Variants in NOTCH3 observed in about 807,000 individuals in gnomAD.
NOTCH3 encodes neurogenic locus notch homolog protein 3.
In NOTCH3, 86 loss-of-function variants were observed where a neutral mutation model predicts 213.3. That is an observed-to-expected ratio of 0.40 (90% CI 0.34 to 0.48). NOTCH3 has a LOEUF of 0.48. NOTCH3 is among the 20% of genes least tolerant of loss of function. NOTCH3 has a pLI of 0.57. For synonymous variants in NOTCH3, 1,354 were observed against 1,355.9 expected (o/e 1.00, Z 0.03); for missense variants, 2,783 against 3,272.6 (o/e 0.85, Z 3.65).
At chr19:15,161,784 GGGGA>G in intron 32 of NOTCH3, 70 bp from the exon 33 acceptor site, 1 of 1,393,950 alleles carries the variant, frequency 7.2e-7, no homozygotes, top group African/African-American at 1.4e-5. Context: ...CAGCCTCTTG[GGGGA>G]GCCCGAGAGC....
At position 15,192,361 on chromosome 19, in the gene NOTCH3, A is replaced by G. The variant is rs1568362143; in HGVS notation, c.340+16T>C. 1 of 1,611,992 alleles carries G rather than the reference A, an allele frequency of 6.2e-7. No individual in the cohort carries two copies. The highest frequency in any genetic ancestry group is 1.7e-5 in the Admixed American group (1 of 59,890). On this transcript the variant is annotated intron_variant, in intron 3 of 32. Coordinates refer to ENST00000263388, the MANE Select transcript of NOTCH3 (RefSeq NM_000435.3). Reference sequence around the variant, plus strand: ...ACACCCCCGACTACCTCCCCTCCAGACTCTTCCCCTCTCACCTCGGAAGCC... The same window carrying G: ...ACACCCCCGACTACCTCCCCTCCAGGCTCTTCCCCTCTCACCTCGGAAGCC...
In NOTCH3 at chr19:15,159,115, A is replaced by C. The variant is rs1373103121; in HGVS notation, c.*1547T>G. ...CCATAGGAGCATGAAGTAAAAGTGA[A>C]ATTCATGCAGAACCATGATCAGATA... On this transcript the variant is annotated 3_prime_UTR_variant, in exon 33 of 33. Coordinates refer to ENST00000263388, the MANE Select transcript of NOTCH3 (RefSeq NM_000435.3). 6.6e-6 allele frequency: 1 copy of C among 152,216 alleles called. No homozygotes were observed. The highest frequency in any genetic ancestry group is 1.5e-5 in the Non-Finnish European group (1 of 68,046). The allele number at this position is 152,216 out of a possible 1,614,324, so 9.4% of individuals were successfully genotyped here. A position where few individuals can be genotyped will look rare whatever the true frequency, so the allele number is the denominator to read the frequency against.
At position 15,160,916 on chromosome 19, in the gene NOTCH3, C is replaced by G. The variant is rs2145380317; in HGVS notation, c.6712G>C (p.Val2238Leu). ...SSPPKARFLR[V>L]PSEHPYLTPS... The stretch of plus-strand genomic sequence containing the variant: ...GTCAGGTAAGGGTGCTCACTGGGAA[C>G]CCGCAGGAAGCGGGCCTTTGGGGGG... Residue 2238 changes from valine (V) to leucine (L), a missense_variant, in exon 33 of 33, where the codon GTT becomes CTT. Physicochemically the swap from Val to Leu is conservative, Grantham distance 32. Coordinates refer to ENST00000263388, the MANE Select transcript of NOTCH3 (RefSeq NM_000435.3). 6.2e-7 allele frequency: 1 copy of G among 1,608,510 alleles called. No individual in the cohort carries two copies. Among genetic ancestry groups the G allele is most frequent in the African/African-American group, 1.3e-5 (1 of 74,958 alleles).
chr19:15,170,072 A>G lies in NOTCH3; in HGVS notation c.5199+14T>C. On this transcript the variant is annotated intron_variant, in intron 28 of 32. Coordinates refer to ENST00000263388, the MANE Select transcript of NOTCH3 (RefSeq NM_000435.3). Reference sequence around the variant, plus strand: ...GGTCAGAGGAGGGGGCAAAGGTCAGAGGGGGGGCAGTACCTTTAGCCGCTT... The same window carrying G: ...GGTCAGAGGAGGGGGCAAAGGTCAGGGGGGGGGCAGTACCTTTAGCCGCTT... 2 of 1,516,244 alleles carry G rather than the reference A, an allele frequency of 1.3e-6. No homozygotes were observed. The highest frequency in any genetic ancestry group is 1.8e-6 in the Non-Finnish European group (2 of 1,106,060). 93.9% of individuals were successfully genotyped at this position (1,516,244 alleles called of 1,614,324 possible).
chr19:15,183,742 C>CG (rs1175527462), intron 16 of NOTCH3, among the ~76,000 whole-genome samples: 1 of 151,964 alleles, frequency 6.6e-6, no homozygotes, highest in African/African-American at 2.4e-5. Context: ...GATATTAACT[C>CG]GATTGCTCTC....
chr19:15,181,868 T>C (rs940029583), intron 16 of NOTCH3, 67 bp from the exon 17 acceptor site: 2 of 1,325,300 alleles, frequency 1.5e-6, no homozygotes, highest in African/African-American at 2.9e-5. Context: ...GACTGGGATA[T>C]GCCTTGGATT....
intron 2 of NOTCH3, among the ~76,000 whole-genome samples, chr19:15,194,143 G>A (rs2046952559): frequency 6.6e-6 from 1 of 152,164 alleles, no homozygotes; most frequent in African/African-American, 2.4e-5. Context: ...CAGCTTCTTG[G>A]GAGGCTGAGG....
At chr19:15,193,195 T>G (rs925297476) in intron 2 of NOTCH3, among the ~76,000 whole-genome samples, 1 of 151,972 alleles carries the variant, frequency 6.6e-6, no homozygotes, top group Non-Finnish European at 1.5e-5. Flanking sequence ...CCAGAACCTG[T>G]GACTAGGACC....
At chr19:15,194,144 G>C (rs1419123289) in intron 2 of NOTCH3, among the ~76,000 whole-genome samples, 1 of 152,164 alleles carries the variant, frequency 6.6e-6, no homozygotes, top group East Asian at 1.9e-4. Context: ...AGCTTCTTGG[G>C]AGGCTGAGGT....
intron 32 of NOTCH3, 98 bp downstream of exon 32, chr19:15,162,367 G>T: frequency 1.1e-6 from 1 of 886,132 alleles, no homozygotes; most frequent in Non-Finnish European, 1.9e-6. Flanking sequence ...GTTTTATTTT[G>T]TTTTGTTTTT....
intron 2 of NOTCH3, among the ~76,000 whole-genome samples, chr19:15,197,213 A>G (rs987818660): frequency 5.9e-5 from 9 of 152,130 alleles, no homozygotes; most frequent in African/African-American, 1.9e-4. Context: ...AAGAACTGTG[A>G]AGCTGGGATT....
chr19:15,177,436 T>C lies in NOTCH3; in HGVS notation c.4403+89A>G, dbSNP rs945173646. ...CAGAGAAACAGACGGGGCAAGTGGA[T>C]GGGCAGGTGGAAAGAGAGGCAGGGC... On this transcript the variant is annotated intron_variant, in intron 24 of 32. Coordinates refer to ENST00000263388, the MANE Select transcript of NOTCH3 (RefSeq NM_000435.3). 30 of 1,208,244 alleles carry C rather than the reference T, an allele frequency of 2.5e-5. No individual in the cohort carries two copies. The Admixed American group carries it at 5.5e-4, about 22-fold the overall frequency. 74.8% of individuals were successfully genotyped at this position (1,208,244 alleles called of 1,614,324 possible).
chr19:15,188,200 A>T (rs2046899432), intron 9 of NOTCH3, 35 bp downstream of exon 9: 1 of 1,492,836 alleles, frequency 6.7e-7, no homozygotes, highest in African/African-American at 1.4e-5. Context: ...CTTCCCAGAC[A>T]TGTCTTTTCG....
Position 15,165,711 on chromosome 19 carries a change from G to A in NOTCH3, c.5667+76C>T. On this transcript the variant is annotated intron_variant, in intron 30 of 32. Transcript: ENST00000263388. This position sits in a 1 kb window ranked among gnomAD's most constrained non-coding sequence, Gnocchi z 4.7. Reference sequence around the variant, plus strand: ...AAATGAGAAAAAATGAGTCTGAAAGGCAGAACTGGGGCTCAAACCCAGGTA... The same window carrying A: ...AAATGAGAAAAAATGAGTCTGAAAGACAGAACTGGGGCTCAAACCCAGGTA... The A allele has an allele frequency of 1.3e-6, 2 of 1,534,910 alleles. No homozygotes were observed. Among genetic ancestry groups the A allele is most frequent in the South Asian group, 2.3e-5 (2 of 88,696 alleles).
chr19:15,168,810 G>A (rs112684888), intron 28 of NOTCH3, among the ~76,000 whole-genome samples: 1 of 151,876 alleles, frequency 6.6e-6, no homozygotes, highest in African/African-American at 2.4e-5. Context: ...CTCCAGCTTG[G>A]GCAACAGAGT....
rs755817475 is a variant in NOTCH3 at position 15,165,478 on chromosome 19, C to A, written c.5705G>T (p.Arg1902Leu). Residue 1902 changes from arginine (R) to leucine (L), a missense_variant, in exon 31 of 33, where the codon CGC becomes CTC. Physicochemically the swap from Arg to Leu is moderately radical, Grantham distance 102. Around this residue, in one of 6 missense-constraint regions of NOTCH3, gnomAD observed 636 missense variants for 801.8 expected, o/e 0.79. Transcript: ENST00000263388. The surrounding 1 kb of genome is among the most constrained non-coding windows in gnomAD (Gnocchi z 4.7). ...CAGTGCCGTTGAGCCATCTGCCATG[C>A]GGGCATCCAAGTCTGTAGAGCGGTT... ...IRNRSTDLDA[R>L]MADGSTALIL... 1 of 1,612,808 alleles carries A rather than the reference C, an allele frequency of 6.2e-7. No homozygotes were observed. Among genetic ancestry groups the A allele is most frequent in the South Asian group, 1.1e-5 (1 of 91,080 alleles).
At chr19:15,184,489 G>C in intron 15 of NOTCH3, 39 bp from the exon 16 acceptor site, 1 of 1,605,788 alleles carries the variant, frequency 6.2e-7, no homozygotes, top group Non-Finnish European at 8.5e-7. Context: ...GGGTTACAGG[G>C]TACAGAGCAG....
At chr19:15,188,607 A>G (rs2046903181) in intron 8 of NOTCH3, among the ~76,000 whole-genome samples, 1 of 151,828 alleles carries the variant, frequency 6.6e-6, no homozygotes, top group African/African-American at 2.4e-5. Context: ...TCCTCAGACT[A>G]AGCCCTTTCC....
rs2145379617 is a variant in NOTCH3 at position 15,160,762 on chromosome 19, G to A, written c.6866C>T (p.Ala2289Val). Residue 2289 changes from alanine (A) to valine (V), a missense_variant, in exon 33 of 33, where the codon GCC becomes GTC. Ala to Val is a moderately conservative substitution (Grantham distance 64, BLOSUM62 0). Transcript: ENST00000263388. ...GGGAACAGACAAGGGAAGTGGCTGG[G>A]CAGGCAGTGCCCCAGTGGTGGTGGC... ...AMATTTGALP[A>V]QPLPLSVPSS... 2 of 1,614,160 alleles carry A rather than the reference G, an allele frequency of 1.2e-6. No individual in the cohort carries two copies. Among genetic ancestry groups the A allele is most frequent in the Admixed American group, 1.7e-5 (1 of 60,026 alleles).
Sources: gnomAD v4.1 joint callset for allele counts (sites outside exome capture counted in the v4.1 genomes callset) on GRCh38, gnomAD v4.1.1 for gene constraint, gnomAD v4.1.1 regional missense constraint, Gnocchi (gnomAD v3.1) non-coding constraint, MANE v1.5 for transcripts, NCBI Gene and HGNC (gene_info 2026-07-23, HGNC 2026-07-21) for gene names.